The following PYGM variants were observed in gnomAD, a reference collection of about 807,000 sequenced individuals.
PYGM encodes glycogen phosphorylase, muscle form.
PYGM carries 81 observed loss-of-function variants against 99.3 expected under a neutral mutation model. That is an observed-to-expected ratio of 0.82 (90% confidence interval 0.68 to 0.98). The LOEUF (loss-of-function observed/expected upper bound fraction) is 0.98, where lower values mean the gene tolerates loss of function less well. Ranked by LOEUF, PYGM falls within the 50% of genes least tolerant of loss-of-function variation. The pLI is 0.00. For missense variants in PYGM, 1,030 were observed against 1,158.1 expected (o/e 0.89, Z 1.61); for synonymous variants, 436 against 451.5 (o/e 0.97, Z 0.44).
Position 64,751,440 on chromosome 11 carries a change from C to G in PYGM, c.1854G>C (p.Lys618Asn), listed in dbSNP as rs2058355574. ...GKAAPGYHMA[K>N]MIIRLVTAIG... Reference sequence around the variant, plus strand: ...TGGCTGTGACGAGTCTGATGATCATCTTGGCCATGTGGTACCCAGGTGCAG... The same window carrying G: ...TGGCTGTGACGAGTCTGATGATCATGTTGGCCATGTGGTACCCAGGTGCAG... The change falls in exon 16 of 20, where the codon AAG becomes AAC. Residue 618 changes from lysine to asparagine, a missense_variant. Transcript: ENST00000164139. 5 of 1,614,048 alleles carry G rather than the reference C, an allele frequency of 3.1e-6. No homozygotes were observed. Among genetic ancestry groups the G allele is most frequent in the Non-Finnish European group, 4.2e-6 (5 of 1,180,046 alleles).
At chr11:64,752,806 C>T (rs918017817) in intron 12 of PYGM, among the ~76,000 whole-genome samples, 1 of 152,234 alleles carries the variant, frequency 6.6e-6, no homozygotes, top group Non-Finnish European at 1.5e-5. Context: ...TGCCCCCTTC[C>T]AGGCTCACTT....
Position 64,746,673 on chromosome 11 carries a change from C to T in PYGM, c.2515G>A (p.Asp839Asn), listed in dbSNP as rs147307168. 17 of 1,614,054 alleles carry T rather than the reference C, an allele frequency of 1.1e-5. No homozygotes were observed. In the African/African-American group the frequency reaches 1.7e-4, roughly 16 times the overall value. Residue 839 changes from aspartate (D) to asparagine (N), a missense_variant, in exon 20 of 20, where the codon GAT becomes AAT. Asp to Asn is a conservative substitution (Grantham distance 23). Coordinates refer to ENST00000164139, the MANE Select transcript of PYGM (RefSeq NM_005609.4). ...EPSRQRLPAP[D>N]EAI ...GGTCTGGAGGCTCAGATGGCCTCAT[C>T]CGGGGCTGGCAGGCGCTGGCGGGAA...
At chr11:64,759,098 C>G (rs1346878286) in intron 1 of PYGM, among the ~76,000 whole-genome samples, 1 of 18,524 alleles carries the variant, frequency 5.4e-5, no homozygotes, top group Admixed American at 7.8e-4. Flanking sequence ...TTGCACTGTC[C>G]AGTTCCCCTT....
At position 64,757,899 on chromosome 11, in the gene PYGM, G is replaced by A. The variant is rs148731983; in HGVS notation, c.540C>T (p.Ala180=). 82 of 1,613,966 alleles carry A rather than the reference G, an allele frequency of 5.1e-5. No individual in the cohort carries two copies. Among genetic ancestry groups the A allele is most frequent in the Admixed American group, 2.5e-4 (15 of 60,008 alleles). Residue 180 remains alanine, a synonymous_variant, in exon 5 of 20, where the codon GCC becomes GCT. Coordinates refer to ENST00000164139, the MANE Select transcript of PYGM (RefSeq NM_005609.4). ...KISGGWQMEE[A]DDWLRYGNPW... is the part of the protein sequence containing the mutation. ...GGTTGCCGTAGCGAAGCCAGTCATCGGCCTCCTCCATCTGCACCCAAGGCA... is the reference window on the plus strand; with the variant it reads ...GGTTGCCGTAGCGAAGCCAGTCATCAGCCTCCTCCATCTGCACCCAAGGCA...
rs537438002 is a variant in PYGM at position 64,746,728 on chromosome 11, C to T, written c.2460G>A (p.Gln820=). The change falls in exon 20 of 20, where the codon CAG becomes CAA. Residue 820 remains glutamine, a synonymous_variant. Coordinates refer to ENST00000164139, the MANE Select transcript of PYGM (RefSeq NM_005609.4). ...CCACACCCCAGATCTCCCGGGCATA[C>T]TGGGCAATGGTGCGGTCACTGGAGA... is the stretch of plus-strand genomic sequence containing the variant. ...GKFSSDRTIA[Q]YAREIWGVEP... is the part of the protein sequence containing the mutation. The T allele has an allele frequency of 4.3e-6, 7 of 1,614,218 alleles. No homozygotes were observed. In the Admixed American group the frequency reaches 6.7e-5, roughly 15 times the overall value.
At chr11:64,750,215 T>G (rs1406180653) in intron 17 of PYGM, among the ~76,000 whole-genome samples, 161 bp downstream of exon 17, 1 of 152,188 alleles carries the variant, frequency 6.6e-6, no homozygotes, top group Admixed American at 6.5e-5. Context: ...ATTAACCTTA[T>G]TTGCTGTAAG....
intron 1 of PYGM, among the ~76,000 whole-genome samples, chr11:64,759,332 C>T (rs1015995449): frequency 2.6e-5 from 4 of 152,154 alleles, no homozygotes; most frequent in Non-Finnish European, 4.4e-5. Context: ...ACAGGCACAC[C>T]GCGCATACAT....
chr11:64,747,070 T>C, intron 18 of PYGM, 83 bp from the exon 19 acceptor site: 2 of 1,577,238 alleles, frequency 1.3e-6, no homozygotes, highest in South Asian at 2.2e-5. Context: ...GCCTGCCCTG[T>C]CCCAGTGGAC....
rs2058389754 is a variant in PYGM, at chr11:64,755,624, G to A, written c.661-66C>T. The A allele has an allele frequency of 7.8e-7, 1 of 1,283,160 alleles. No homozygotes were observed. Among genetic ancestry groups the A allele is most frequent in the Admixed American group, 1.8e-5 (1 of 54,758 alleles). The allele number at this position is 1,283,160 out of a possible 1,614,324, so 79.5% of individuals were successfully genotyped here. ...AATTGCCTCCCTCCCCTCAGGGCTGGGACTCAAGGCTTTATCCCTGCACTC... is the reference window on the plus strand; with the variant it reads ...AATTGCCTCCCTCCCCTCAGGGCTGAGACTCAAGGCTTTATCCCTGCACTC... On this transcript the variant is annotated intron_variant, in intron 5 of 19. Coordinates refer to ENST00000164139, the MANE Select transcript of PYGM (RefSeq NM_005609.4). This position sits in a 1 kb window ranked among gnomAD's most constrained non-coding sequence, Gnocchi z 4.1.
At position 64,753,962 on chromosome 11, in the gene PYGM, C is replaced by G; in HGVS notation, c.1156G>C (p.Glu386Gln). The G allele has an allele frequency of 6.2e-7, 1 of 1,605,396 alleles. No individual in the cohort carries two copies. The highest frequency in any genetic ancestry group is 8.5e-7 in the Non-Finnish European group (1 of 1,175,938). The change falls in exon 10 of 20, where the codon GAG (glutamate) becomes CAG (glutamine). Residue 386 changes from glutamate (E) to glutamine (Q), a missense_variant. Physicochemically the swap from Glu to Gln is conservative, Grantham distance 29 (BLOSUM62 2). Transcript: ENST00000164139. ...TCCAAGAGGTGCACCGGCCAGCGCT[C>G]CAGGGCCTCGGGCAGCACCGTGTGG... ...TNHTVLPEAL[E>Q]RWPVHLLETL...
rs764313717 is a variant in PYGM, at chr11:64,758,375, T to C, written c.425-26A>G. On this transcript the variant is annotated intron_variant, in intron 3 of 19. Coordinates refer to ENST00000164139, the MANE Select transcript of PYGM (RefSeq NM_005609.4). ...CTGGGGGTGTGCAGGGAGGTGGCTG[T>C]CAGGGACCCAGCAAGGAGGACCCCA... The C allele has an allele frequency of 1.2e-4, 197 of 1,612,678 alleles. No homozygotes were observed. The highest frequency in any genetic ancestry group is 1.6e-4 in the Non-Finnish European group (188 of 1,179,348).
rs2058421813 is a variant in PYGM, at chr11:64,759,760, C to T, written c.139G>A (p.Ala47Thr). The T allele has an allele frequency of 6.2e-7, 1 of 1,614,102 alleles. No homozygotes were observed. Among genetic ancestry groups the T allele is most frequent in the African/African-American group, 1.3e-5 (1 of 74,928 alleles). Residue 47 changes from alanine to threonine, a missense_variant, in exon 1 of 20, where the codon GCC becomes ACC. Ala to Thr is a moderately conservative substitution (Grantham distance 58, BLOSUM62 0). Transcript: ENST00000164139. ...GCAAAGTAGTAGTCTCGTGGGGTGG[C>T]CACATTGCGGTCCTTTACGAGTGTG... Reference protein sequence around the residue: ...HFTLVKDRNVATPRDYYFALA... With the variant: ...HFTLVKDRNVTTPRDYYFALA...
intron 17 of PYGM, among the ~76,000 whole-genome samples, chr11:64,750,021 T>TGAA (rs1020277598): frequency 1.3e-5 from 2 of 152,146 alleles, no homozygotes; most frequent in African/African-American, 4.8e-5. Flanking sequence ...CTGGATCTCT[T>TGAA]GACCTTGTGA....
upstream of PYGM, chr11:64,760,089 G>A: frequency 2.3e-6 from 2 of 882,356 alleles, no homozygotes; most frequent in South Asian, 3.5e-5. Flanking sequence ...GAGGGCAAGG[G>A]GAGGAGAGGA....
rs765844107 is a variant in PYGM at position 64,759,691 on chromosome 11, G to C, written c.208C>G (p.Arg70Gly). The part of the protein sequence containing the change: ...VRDHLVGRWI[R>G]TQQHYYEKDP... ...TTCTCATAGTAGTGCTGCTGCGTGC[G>C]GATCCAGCGCCCCACGAGGTGGTCG... The change falls in exon 1 of 20, where the codon CGC (arginine) becomes GGC (glycine). Residue 70 changes from arginine to glycine, a missense_variant. Coordinates refer to ENST00000164139, the MANE Select transcript of PYGM (RefSeq NM_005609.4). 19 of 1,614,148 alleles carry C rather than the reference G, an allele frequency of 1.2e-5. No homozygotes were observed. Among genetic ancestry groups the C allele is most frequent in the Admixed American group, 3.3e-5 (2 of 60,026 alleles).
chr11:64,751,468 T>C lies in PYGM; in HGVS notation c.1828-2A>G, dbSNP rs2135829883. 2.5e-6 allele frequency: 4 copies of C among 1,614,150 alleles called. No homozygotes were observed. The highest frequency in any genetic ancestry group is 3.4e-6 in the Non-Finnish European group (4 of 1,180,032). ...GGCCATGTGGTACCCAGGTGCAGCC[T>C]GAGGGGACAAAGTCTGGGGTCAGCT... On this transcript the variant is annotated splice_acceptor_variant, in intron 15 of 19. Coordinates refer to ENST00000164139, the MANE Select transcript of PYGM (RefSeq NM_005609.4). LOFTEE classifies it high-confidence loss of function.
In PYGM at chr11:64,755,675, C is replaced by G. The variant is rs533430619; in HGVS notation, c.661-117G>C. The G allele has an allele frequency of 2.2e-4, 171 of 787,390 alleles. 1 individual carries two copies. The South Asian group carries it at 2.6e-3, about 12-fold the overall frequency. 48.8% of individuals were successfully genotyped at this position (787,390 alleles called of 1,614,324 possible). On this transcript the variant is annotated intron_variant, in intron 5 of 19. Transcript: ENST00000164139. This position sits in a 1 kb window ranked among gnomAD's most constrained non-coding sequence, Gnocchi z 4.1. ...TGCAGACCCAGGCTCTTGTCCTTGT[C>G]TAGCATCGATGAGCTGGGTAACCAT...
intron 17 of PYGM, among the ~76,000 whole-genome samples, chr11:64,749,369 G>A (rs558426524): frequency 6.0e-5 from 9 of 149,760 alleles, no homozygotes; most frequent in East Asian, 2.0e-4. Context: ...AAGGCCGGGC[G>A]CAGTGGCTCA....
In PYGM at chr11:64,746,762, G is replaced by GA. The variant is rs1234992535; in HGVS notation, c.2425dup (p.Ser809PhefsTer7). The GA allele has an allele frequency of 6.2e-7, 1 of 1,614,204 alleles. No homozygotes were observed. The highest frequency in any genetic ancestry group is 8.5e-7 in the Non-Finnish European group (1 of 1,180,036). ...GGTGCGGTCACTGGAGAACTTGCCA[G>GA]AGGTGGCTATGTTCCGGATCACCAT... On this transcript the variant is annotated frameshift_variant, in exon 20 of 20. Coordinates refer to ENST00000164139, the MANE Select transcript of PYGM (RefSeq NM_005609.4). LOFTEE classifies it high-confidence loss of function.
Sources: allele counts gnomAD v4.1 joint callset (sites outside exome capture counted in the v4.1 genomes callset), GRCh38; gene constraint gnomAD v4.1.1; non-coding constraint Gnocchi (gnomAD v3.1); transcripts MANE v1.5; gene names NCBI Gene and HGNC (gene_info 2026-07-23, HGNC 2026-07-21).